Variants in HMGB1 observed in about 807,000 individuals in gnomAD.
HMGB1 encodes the protein high mobility group protein B1.
For missense variants in HMGB1, 79 were observed against 253.5 expected (o/e 0.31, Z 4.67); for synonymous variants, 81 against 84.0 (o/e 0.96, Z 0.19).
At position 30,459,136 on chromosome 13, in the gene HMGB1, C is replaced by T. The variant is rs1886142409; in HGVS notation, c.*2221G>A. 1 of 151,970 alleles carries T rather than the reference C, an allele frequency of 6.6e-6. No homozygotes were observed. Among genetic ancestry groups the T allele is most frequent in the Admixed American group, 6.6e-5 (1 of 15,240 alleles). 9.4% of individuals were successfully genotyped at this position (151,970 alleles called of 1,614,324 possible). A position where few individuals can be genotyped will look rare whatever the true frequency, so the allele number is the denominator to read the frequency against. ...TTGGCATTAAAATAGTTTCTATACA[C>T]TTTCTAAAAAAAATCATCTTCAGTT... On this transcript the variant is annotated 3_prime_UTR_variant, in exon 5 of 5. Coordinates refer to ENST00000341423, the MANE Select transcript of HMGB1 (RefSeq NM_002128.7).
intron 1 of HMGB1, among the ~76,000 whole-genome samples, chr13:30,503,215 A>C (rs1049362283): frequency 2.6e-5 from 4 of 152,004 alleles, no homozygotes; most frequent in Non-Finnish European, 5.9e-5. Context: ...GTGGTGCCAC[A>C]TGCCTGTAGT....
In HMGB1 at chr13:30,461,300, G is replaced by T. The variant is rs1206567010; in HGVS notation, c.*57C>A. On this transcript the variant is annotated 3_prime_UTR_variant, in exon 5 of 5. Transcript: ENST00000341423. ...TTTTTCTTTAAAAGGAGTGAGTTGT[G>T]TACAGGGGGGTTAAATGCTTTATAG... The T allele has an allele frequency of 2.0e-6, 3 of 1,518,244 alleles. No individual in the cohort carries two copies. The East Asian group carries it at 6.8e-5, about 34-fold the overall frequency. The allele number at this position is 1,518,244 out of a possible 1,614,324, so 94.0% of individuals were successfully genotyped here. A position where few individuals can be genotyped will look rare whatever the true frequency, so the allele number is the denominator to read the frequency against.
intron 1 of HMGB1, among the ~76,000 whole-genome samples, chr13:30,479,865 G>C (rs567396314): frequency 6.6e-6 from 1 of 152,354 alleles, no homozygotes; most frequent in Non-Finnish European, 1.5e-5. Context: ...CAGCTCCACT[G>C]CTTTAAAAAC....
rs1886290257 is a variant in HMGB1, at chr13:30,460,997, G to C, written c.*360C>G. ...ATTACAGAGTGGTATTCAGTTAACA[G>C]AACAACAATTATTTCGTATAAGCTG... On this transcript the variant is annotated 3_prime_UTR_variant, in exon 5 of 5. Coordinates refer to ENST00000341423, the MANE Select transcript of HMGB1 (RefSeq NM_002128.7). The C allele has an allele frequency of 1.3e-6, 1 of 763,314 alleles. No homozygotes were observed. The highest frequency in any genetic ancestry group is 1.9e-5 in the African/African-American group (1 of 52,078). 47.3% of individuals were successfully genotyped at this position (763,314 alleles called of 1,614,324 possible). A position where few individuals can be genotyped will look rare whatever the true frequency, so the allele number is the denominator to read the frequency against.
intron 1 of HMGB1, among the ~76,000 whole-genome samples, chr13:30,614,433 T>C (rs998118989): frequency 1.3e-5 from 2 of 152,228 alleles, no homozygotes; most frequent in Admixed American, 1.3e-4. Flanking sequence ...TCTCATTTTA[T>C]AGATCTGTAA....
chr13:30,586,231 C>A (rs1871139361), intron 1 of HMGB1, among the ~76,000 whole-genome samples: 1 of 152,092 alleles, frequency 6.6e-6, no homozygotes, highest in South Asian at 2.1e-4. Flanking sequence ...ATTACTCAAT[C>A]TTTAACATAG....
At chr13:30,531,686 G>A (rs1000163715) in intron 1 of HMGB1, among the ~76,000 whole-genome samples, 1 of 151,072 alleles carries the variant, frequency 6.6e-6, no homozygotes, top group African/African-American at 2.4e-5. Context: ...GATCACCTGA[G>A]GTCAGGAGTT....
intron 1 of HMGB1, among the ~76,000 whole-genome samples, chr13:30,479,063 A>T (rs1375298263): frequency 6.6e-6 from 1 of 152,006 alleles, no homozygotes; most frequent in Non-Finnish European, 1.5e-5. Context: ...GATTCAGATA[A>T]TTTTACAAAT....
intron 1 of HMGB1, among the ~76,000 whole-genome samples, chr13:30,613,148 C>T (rs1025089650): frequency 6.6e-6 from 1 of 152,144 alleles, no homozygotes; most frequent in African/African-American, 2.4e-5. Flanking sequence ...GGCACAATAT[C>T]AGGTCCCTGC....
At chr13:30,522,180 A>G (rs1419372971) in intron 1 of HMGB1, among the ~76,000 whole-genome samples, 1 of 148,692 alleles carries the variant, frequency 6.7e-6, no homozygotes, top group East Asian at 2.0e-4. Context: ...TGGTATGATC[A>G]TAGCTCACTG....
intron 1 of HMGB1, among the ~76,000 whole-genome samples, chr13:30,507,495 C>A (rs1019898577): frequency 3.3e-5 from 5 of 152,202 alleles, no homozygotes; most frequent in African/African-American, 1.2e-4. Context: ...TATCTGGTTT[C>A]TTTAGCTTCT....
chr13:30,570,582 A>C (rs888153279), intron 1 of HMGB1, among the ~76,000 whole-genome samples: 2 of 152,042 alleles, frequency 1.3e-5, no homozygotes, highest in Non-Finnish European at 2.9e-5. Flanking sequence ...AGCTTTTGTA[A>C]ATCATCTTTC....
chr13:30,470,378 A>G (rs1363807153), upstream of HMGB1, among the ~76,000 whole-genome samples: 1 of 152,252 alleles, frequency 6.6e-6, no homozygotes, highest in Non-Finnish European at 1.5e-5. Context: ...GGAAAATAGA[A>G]TAAGAAGCGA....
chr13:30,572,963 T>G (rs974322662), intron 1 of HMGB1, among the ~76,000 whole-genome samples: 1 of 152,220 alleles, frequency 6.6e-6, no homozygotes, highest in African/African-American at 2.4e-5. Context: ...CACTTTCAGT[T>G]TTCAGAATAT....
intron 1 of HMGB1, among the ~76,000 whole-genome samples, chr13:30,583,770 C>T (rs556654817): frequency 7.0e-5 from 10 of 143,272 alleles, no homozygotes; most frequent in African/African-American, 1.0e-4. Flanking sequence ...ACCCGGGAGG[C>T]GAAGGTTGCA....
At chr13:30,483,842 G>A (rs1311693241) in intron 1 of HMGB1, among the ~76,000 whole-genome samples, 1 of 151,992 alleles carries the variant, frequency 6.6e-6, no homozygotes, top group African/African-American at 2.4e-5. Flanking sequence ...TCAAACTCTT[G>A]GGCTGAAGCA....
chr13:30,480,390 T>C (rs1887199570), intron 1 of HMGB1, among the ~76,000 whole-genome samples: 1 of 152,208 alleles, frequency 6.6e-6, no homozygotes, highest in Admixed American at 6.5e-5. Flanking sequence ...CAGTCTAGGT[T>C]TTCCTTACAT....
chr13:30,528,789 G>A (rs981111931), intron 1 of HMGB1, among the ~76,000 whole-genome samples: 2 of 152,066 alleles, frequency 1.3e-5, no homozygotes, highest in African/African-American at 2.4e-5. Context: ...AGCACTTTGG[G>A]AGACCGAGGT....
At chr13:30,548,690 T>G (rs948301373) in intron 1 of HMGB1, among the ~76,000 whole-genome samples, 1 of 152,192 alleles carries the variant, frequency 6.6e-6, no homozygotes, top group Non-Finnish European at 1.5e-5. Context: ...CCACTAATTA[T>G]GATGAGATGT....
Sources: allele counts gnomAD v4.1 joint callset (sites outside exome capture counted in the v4.1 genomes callset), GRCh38; gene constraint gnomAD v4.1.1; transcripts MANE v1.5; gene names NCBI Gene and HGNC (gene_info 2026-07-23, HGNC 2026-07-21).